The following DAB1 variants were observed in gnomAD, a reference collection of about 807,000 sequenced individuals.
The protein encoded by DAB1 is DAB adaptor protein 1, also known as disabled homolog 1.
Under a neutral mutation model 64.6 loss-of-function variants are expected in DAB1, and 15 were observed. That is an observed-to-expected ratio of 0.23 (90% confidence interval 0.16 to 0.36). DAB1 has a LOEUF of 0.36. Ranked by LOEUF, DAB1 falls within the 10% of genes least tolerant of loss-of-function variation. DAB1 has a pLI of 1.00. For missense variants in DAB1, 596 were observed against 706.7 expected (o/e 0.84, Z 1.78); for synonymous variants, 235 against 251.9 (o/e 0.93, Z 0.64).
chr1:57,020,385 T>G (rs566249748), intron 11 of DAB1, among the ~76,000 whole-genome samples: 2 of 152,200 alleles, frequency 1.3e-5, no homozygotes, highest in Non-Finnish European at 2.9e-5. Flanking sequence ...CATGCAATCC[T>G]TAGAAAAACT....
chr1:57,830,801 T>C (rs1164279498), intron 1 of DAB1, among the ~76,000 whole-genome samples: 2 of 152,342 alleles, frequency 1.3e-5, no homozygotes, highest in Non-Finnish European at 1.5e-5. Context: ...TTTTAGTAGT[T>C]GCTAGATGGA....
intron 7 of DAB1, among the ~76,000 whole-genome samples, chr1:57,621,830 T>C (rs1333456476): frequency 6.6e-6 from 1 of 152,186 alleles, no homozygotes; most frequent in Non-Finnish European, 1.5e-5. Context: ...AGGCCCCCAA[T>C]TACTTCTTGA....
intron 1 of DAB1, among the ~76,000 whole-genome samples, chr1:57,852,489 G>C (rs1225337158): frequency 6.6e-6 from 1 of 152,094 alleles, no homozygotes; most frequent in Non-Finnish European, 1.5e-5. Context: ...GGGATGCAGA[G>C]AGAACCATCC....
intron 7 of DAB1, among the ~76,000 whole-genome samples, chr1:57,545,504 A>T (rs1353540754): frequency 6.6e-6 from 1 of 152,176 alleles, no homozygotes; most frequent in Non-Finnish European, 1.5e-5. Flanking sequence ...GTCCTGGACA[A>T]ACCAGAACAG....
chr1:58,037,685 G>C (rs749637199), intron 5 of DAB1, among the ~76,000 whole-genome samples: 2 of 151,680 alleles, frequency 1.3e-5, no homozygotes, highest in Non-Finnish European at 2.9e-5. Context: ...ACCAGTCCCT[G>C]GTGCCAAAAA....
intron 7 of DAB1, among the ~76,000 whole-genome samples, chr1:57,582,550 TA>T (rs1302444790): frequency 6.6e-6 from 1 of 152,196 alleles, no homozygotes. Context: ...AGCTTCAACA[TA>T]TGAATTTAGG....
At chr1:58,420,357 C>T (rs1644760386) in intron 3 of DAB1, among the ~76,000 whole-genome samples, 1 of 152,168 alleles carries the variant, frequency 6.6e-6, no homozygotes, top group African/African-American at 2.4e-5. Context: ...CAAAGATCTC[C>T]CAACCCAGAC....
At chr1:57,996,676 T>TC (rs1269304332) in intron 5 of DAB1, among the ~76,000 whole-genome samples, 2 of 152,132 alleles carry the variant, frequency 1.3e-5, no homozygotes, top group Non-Finnish European at 1.5e-5. Context: ...GAAAATTGCA[T>TC]CCCCCCTTCT....
chr1:57,314,971 T>G (rs538172208), intron 1 of DAB1, among the ~76,000 whole-genome samples: 1 of 152,176 alleles, frequency 6.6e-6, no homozygotes, highest in East Asian at 1.9e-4. Flanking sequence ...AAAAGCCCTT[T>G]GTCAAGGGCA....
At chr1:57,502,306 A>G (rs1644298550) in intron 7 of DAB1, among the ~76,000 whole-genome samples, 1 of 142,928 alleles carries the variant, frequency 7.0e-6, no homozygotes, top group Non-Finnish European at 1.5e-5. Flanking sequence ...GCGACACAGC[A>G]AGAGTCCGTC....
chr1:57,997,090 T>TA (rs564500068), intron 5 of DAB1, among the ~76,000 whole-genome samples: 9 of 152,052 alleles, frequency 5.9e-5, no homozygotes, highest in East Asian at 1.9e-4. Context: ...TCCCAGTACA[T>TA]AAAAAAACAC....
chr1:57,383,060 G>C (rs1681510671), intron 1 of DAB1, among the ~76,000 whole-genome samples: 1 of 152,104 alleles, frequency 6.6e-6, no homozygotes, highest in Non-Finnish European at 1.5e-5. Context: ...GTAGAGAAAG[G>C]TGAGGGGAAT....
rs531906490 is a variant in DAB1 at position 58,413,332 on chromosome 1, C to T, written n.258-69929G>A. Among the ~76,000 whole-genome samples the T allele has an allele frequency of 5.3e-5, 8 of 152,320 alleles. No homozygotes were observed. The East Asian group carries it at 1.4e-3, about 26-fold the overall frequency. ...CTAGGTAATTACATTAATTATCTCA[C>T]TTATTCTTAAAAACAACTCTATGAG... On this transcript the variant is annotated intron_variant and non_coding_transcript_variant, in intron 3 of 20. Coordinates refer to the DAB1 transcript ENST00000485760.
intron 1 of DAB1, among the ~76,000 whole-genome samples, chr1:57,863,768 C>A (rs1557524374): frequency 1.3e-5 from 2 of 152,060 alleles, no homozygotes; most frequent in Non-Finnish European, 2.9e-5. Context: ...TGCACATAAG[C>A]TTTGGATTGA....
At chr1:58,024,788 C>A (rs916379762) in intron 5 of DAB1, among the ~76,000 whole-genome samples, 1 of 152,096 alleles carries the variant, frequency 6.6e-6, no homozygotes, top group South Asian at 2.1e-4. Context: ...GGGCCTCATC[C>A]AATCAGTTGA....
At chr1:57,040,348 T>C (rs1647595445) in intron 9 of DAB1, among the ~76,000 whole-genome samples, 1 of 152,110 alleles carries the variant, frequency 6.6e-6, no homozygotes, top group Admixed American at 6.6e-5. Context: ...ATCATCATGA[T>C]AGCCAAGATG....
intron 5 of DAB1, among the ~76,000 whole-genome samples, chr1:57,891,590 A>T (rs1202830): frequency 0.17 from 26,408 of 152,226 alleles, 2,689 homozygotes; most frequent in Admixed American, 0.27. Context: ...TCACAATAGC[A>T]AAGTCTTGGA....
chr1:57,851,466 G>A (rs1407180011), intron 1 of DAB1, among the ~76,000 whole-genome samples: 3 of 152,216 alleles, frequency 2.0e-5, no homozygotes, highest in African/African-American at 7.2e-5. Context: ...TAGCAGTTGA[G>A]AGGTTTTGTC....
chr1:58,443,651 C>G (rs906028909), intron 3 of DAB1, among the ~76,000 whole-genome samples: 1 of 152,156 alleles, frequency 6.6e-6, no homozygotes, highest in African/African-American at 2.4e-5. Context: ...GGTGAGAACT[C>G]TCTGTACTAT....
Sources: gnomAD v4.1 joint callset for allele counts (sites outside exome capture counted in the v4.1 genomes callset) on GRCh38, gnomAD v4.1.1 for gene constraint, MANE v1.5 for transcripts, NCBI Gene and HGNC (gene_info 2026-07-23, HGNC 2026-07-21) for gene names.